Variants in PRRC2B observed in about 807,000 individuals in gnomAD.
PRRC2B encodes the protein proline rich coiled-coil 2B.
PRRC2B carries 68 observed loss-of-function variants against 242.3 expected under a neutral mutation model. The observed-to-expected ratio is 0.28, with a 90% CI of 0.23 to 0.34. The LOEUF (loss-of-function observed/expected upper bound fraction) is 0.34. Ranked by LOEUF, PRRC2B falls within the 10% of genes least tolerant of loss-of-function variation. The probability of loss-of-function intolerance (pLI) is 1.00; values close to 1 mark genes in which losing one functional copy is unlikely to be tolerated. For missense variants in PRRC2B, 2,835 were observed against 2,954.8 expected (o/e 0.96, Z 0.94); for synonymous variants, 1,228 against 1,173.6 (o/e 1.05, Z -0.95).
At chr9:131,466,143 C>A (rs371495086) in intron 12 of PRRC2B, among the ~76,000 whole-genome samples, 23 of 152,342 alleles carry the variant, frequency 1.5e-4, no homozygotes, top group Middle Eastern at 3.4e-3. Context: ...AAACTCAGAT[C>A]AGCTCTTGTT....
chr9:131,439,411 G>A (rs956142418), intron 5 of PRRC2B, among the ~76,000 whole-genome samples: 16 of 152,172 alleles, frequency 1.1e-4, no homozygotes, highest in African/African-American at 3.1e-4. Context: ...GTGGGCAGAC[G>A]ATTCAAAGGA....
At chr9:131,429,139 GT>G (rs1838055143) in intron 1 of PRRC2B, among the ~76,000 whole-genome samples, 1 of 152,162 alleles carries the variant, frequency 6.6e-6, no homozygotes, top group Non-Finnish European at 1.5e-5. Context: ...TAGAGACAGG[GT>G]TTCGCCATGC....
intron 1 of PRRC2B, among the ~76,000 whole-genome samples, chr9:131,403,912 A>T (rs1299226148): frequency 6.6e-6 from 1 of 152,042 alleles, no homozygotes; most frequent in African/African-American, 2.4e-5. Context: ...TTTAAGCGTA[A>T]CTTCTCTTAT....
chr9:131,489,958 C>T (rs1944140282), intron 28 of PRRC2B, among the ~76,000 whole-genome samples: 1 of 152,060 alleles, frequency 6.6e-6, no homozygotes, highest in Non-Finnish European at 1.5e-5. Context: ...CCTCTCCTTC[C>T]CAGTCTGTAA....
At chr9:131,478,730 G>A (rs995860443) in intron 18 of PRRC2B, 111 bp downstream of exon 18, 5 of 716,326 alleles carry the variant, frequency 7.0e-6, no homozygotes, top group Middle Eastern at 3.9e-4. Context: ...AGGTGGCAGA[G>A]AGGAAGAAAG....
At chr9:131,385,921 C>G (rs1836820832) in intron 1 of PRRC2B, among the ~76,000 whole-genome samples, 1 of 150,312 alleles carries the variant, frequency 6.7e-6, no homozygotes, top group South Asian at 2.1e-4. Context: ...TCTCAATCTC[C>G]TGACCTCGTG....
At chr9:131,399,828 G>C (rs1837180665) in intron 1 of PRRC2B, among the ~76,000 whole-genome samples, 1 of 151,934 alleles carries the variant, frequency 6.6e-6, no homozygotes, top group Non-Finnish European at 1.5e-5. Context: ...GCTATTATAC[G>C]GATATGCCAT....
intron 30 of PRRC2B, among the ~76,000 whole-genome samples, chr9:131,493,378 C>T (rs781366512): frequency 2.2e-4 from 34 of 152,342 alleles, no homozygotes; most frequent in African/African-American, 7.7e-4. Context: ...TGGACAGCAC[C>T]GACCATGGAG....
intron 1 of PRRC2B, among the ~76,000 whole-genome samples, chr9:131,421,879 T>C (rs1837850735): frequency 1.3e-5 from 2 of 152,208 alleles, no homozygotes; most frequent in South Asian, 4.1e-4. Context: ...GAACCCATTG[T>C]GCCGCCTTTC....
chr9:131,420,508 T>TCTTTCTTTCTCTTTCTTTCTTTC (rs1837807733), intron 1 of PRRC2B, among the ~76,000 whole-genome samples: 1 of 129,504 alleles, frequency 7.7e-6, no homozygotes, highest in Non-Finnish European at 1.6e-5. Context: ...TTTTTTTTTT[T>TCTTTCTTTCTCTTTCTTTCTTTC]TTGAGATGGA....
At position 131,481,716 on chromosome 9, in the gene PRRC2B, C is replaced by A. The variant is rs920216682; in HGVS notation, c.4901-10C>A. 3.2e-6 allele frequency: 5 copies of A among 1,556,822 alleles called. No homozygotes were observed. Among genetic ancestry groups the A allele is most frequent in the African/African-American group, 1.4e-5 (1 of 73,242 alleles). ...TTTGATGCCCTGACTCTGTCTTCCT[C>A]CCCTGGCAGCTCTCCCTGTGCAGGC... On this transcript the variant is annotated splice_polypyrimidine_tract_variant and intron_variant, in intron 19 of 31. Transcript: ENST00000683519.
intron 1 of PRRC2B, among the ~76,000 whole-genome samples, chr9:131,405,296 T>C (rs1050792351): frequency 1.1e-4 from 17 of 152,230 alleles, no homozygotes; most frequent in African/African-American, 4.1e-4. Flanking sequence ...GGTCTAAGGT[T>C]GATTTTCTGT....
intron 1 of PRRC2B, among the ~76,000 whole-genome samples, chr9:131,375,514 T>C (rs1292826293): frequency 6.6e-6 from 1 of 152,196 alleles, no homozygotes; most frequent in African/African-American, 2.4e-5. Flanking sequence ...TAATCCATAA[T>C]CTGCACTTAA....
At chr9:131,450,407 A>G (rs979095749) in intron 9 of PRRC2B, among the ~76,000 whole-genome samples, 17 of 151,584 alleles carry the variant, frequency 1.1e-4, no homozygotes, top group African/African-American at 4.1e-4. Flanking sequence ...AGCTGGAATT[A>G]TAGGCGCGCA....
In PRRC2B at chr9:131,447,771, G is replaced by A. The variant is rs1443843197; in HGVS notation, c.1087G>A (p.Asp363Asn). The change falls in exon 9 of 32, where the codon GAT (aspartate) becomes AAT (asparagine). Residue 363 changes from aspartate to asparagine, a missense_variant. By Grantham distance (23) the Asp-to-Asn change is conservative. Transcript: ENST00000683519. ...INAENLKGLD[D>N]LDADADDGWA... Reference sequence around the variant, plus strand: ...TGCGGAAAACCTGAAGGGCCTTGACGATCTGGACGCCGATGCCGATGATGG... The same window carrying A: ...TGCGGAAAACCTGAAGGGCCTTGACAATCTGGACGCCGATGCCGATGATGG... 1.9e-6 allele frequency: 3 copies of A among 1,613,542 alleles called. No individual in the cohort carries two copies. Among genetic ancestry groups the A allele is most frequent in the Non-Finnish European group, 2.5e-6 (3 of 1,179,600 alleles).
intron 11 of PRRC2B, among the ~76,000 whole-genome samples, chr9:131,460,910 C>T (rs752693860): frequency 6.6e-6 from 1 of 152,172 alleles, no homozygotes; most frequent in Non-Finnish European, 1.5e-5. Context: ...GCTGGGGTGT[C>T]ACTGCTTCCG....
At chr9:131,479,918 CT>C (rs897932897) in intron 19 of PRRC2B, among the ~76,000 whole-genome samples, 30 of 148,244 alleles carry the variant, frequency 2.0e-4, no homozygotes, top group Non-Finnish European at 2.3e-4. Context: ...GCCCTGAAAA[CT>C]TTTTTTTTTT....
At position 131,428,422 on chromosome 9, in the gene PRRC2B, A is replaced by T. The variant is rs999905344; in HGVS notation, c.-51-1672A>T. 2.0e-5 allele frequency among the ~76,000 whole-genome samples: 3 copies of T among 152,006 alleles called. No homozygotes were observed. The South Asian group carries it at 6.2e-4, about 32-fold the overall frequency. ...TTTTTATTTATTCATTTTGAGATGT[A>T]GTCTCCCTCTGTCACCCAGGCTGCA... is the stretch of plus-strand genomic sequence containing the variant. On this transcript the variant is annotated intron_variant, in intron 1 of 31. Coordinates refer to ENST00000683519, the MANE Select transcript of PRRC2B (RefSeq NM_013318.4).
At chr9:131,483,594 G>A in intron 23 of PRRC2B, 149 bp downstream of exon 23, 1 of 705,992 alleles carries the variant, frequency 1.4e-6, no homozygotes, top group Non-Finnish European at 2.5e-6. Context: ...GTGCTTAAAT[G>A]TTCCTGCCCA....
Sources: allele counts gnomAD v4.1 joint callset (sites outside exome capture counted in the v4.1 genomes callset), GRCh38; gene constraint gnomAD v4.1.1; transcripts MANE v1.5; gene names NCBI Gene and HGNC (gene_info 2026-07-23, HGNC 2026-07-21).